COMMD1: variants seen among roughly 807,000 people sequenced by gnomAD.
The protein encoded by COMMD1 is COMM domain-containing protein 1.
Under a neutral mutation model 17.2 loss-of-function variants are expected in COMMD1, and 10 were observed. That is an observed-to-expected ratio of 0.58 (90% CI 0.36 to 0.99). The LOEUF (loss-of-function observed/expected upper bound fraction) is 0.99, where lower values mean the gene tolerates loss of function less well. Ranked by LOEUF, COMMD1 falls within the 50% of genes least tolerant of loss-of-function variation. The pLI is 0.01. For missense variants in COMMD1, 270 were observed against 231.8 expected (o/e 1.17, Z -1.07); for synonymous variants, 97 against 91.6 (o/e 1.06, Z -0.34).
intron 1 of COMMD1, among the ~76,000 whole-genome samples, chr2:61,958,211 G>A (rs1042216594): frequency 1.3e-5 from 2 of 150,704 alleles, no homozygotes; most frequent in South Asian, 2.1e-4. Flanking sequence ...CCCAGCATGC[G>A]TTGTTCCTTT....
At chr2:61,940,458 AC>A (rs199582006) in intron 1 of COMMD1, among the ~76,000 whole-genome samples, 1,587 of 151,990 alleles carry the variant, frequency 0.01, 25 homozygotes, top group African/African-American at 0.036. Flanking sequence ...GAACTTTTCT[AC>A]CCCCAGACCA....
intron 2 of COMMD1, among the ~76,000 whole-genome samples, chr2:62,071,011 A>G (rs906409905): frequency 5.9e-5 from 9 of 152,342 alleles, no homozygotes; most frequent in Non-Finnish European, 1.0e-4. Context: ...AGCCTGGATG[A>G]TAGAGCAAGA....
chr2:62,052,399 C>T lies in COMMD1; in HGVS notation c.462+51417C>T, dbSNP rs982006913. On this transcript the variant is annotated intron_variant, in intron 2 of 2. Transcript: ENST00000311832. ...TTTATTTCTCTTTTATGTAAAAGTC[C>T]GGAGATAGGCTCTGTCCCACGTATC... 1.5e-4 allele frequency among the ~76,000 whole-genome samples: 23 copies of T among 151,774 alleles called. 1 individual carries two copies. Among genetic ancestry groups the T allele is most frequent in the Admixed American group, 2.6e-4 (4 of 15,230 alleles).
intron 2 of COMMD1, among the ~76,000 whole-genome samples, chr2:62,004,437 G>A (rs1005259952): frequency 1.3e-5 from 2 of 152,000 alleles, no homozygotes; most frequent in African/African-American, 2.4e-5. Context: ...GAGTAGCTGG[G>A]ATTACAGGTG....
intron 2 of COMMD1, among the ~76,000 whole-genome samples, chr2:62,004,213 T>C (rs1364396597): frequency 6.6e-6 from 1 of 152,202 alleles, no homozygotes; most frequent in South Asian, 2.1e-4. Flanking sequence ...ACTTTATTAT[T>C]TACAGTTTAT....
At chr2:61,984,819 A>G (rs1163996440) in intron 1 of COMMD1, among the ~76,000 whole-genome samples, 3 of 151,890 alleles carry the variant, frequency 2.0e-5, no homozygotes, top group Non-Finnish European at 4.4e-5. Context: ...TTTGCTTTAT[A>G]TATCTGGGTG....
At chr2:62,106,376 T>G (rs1672325046) in intron 2 of COMMD1, among the ~76,000 whole-genome samples, 3 of 152,244 alleles carry the variant, frequency 2.0e-5, no homozygotes, top group Admixed American at 2.0e-4. Context: ...GGTAGCTTTA[T>G]TTTCTGCTCT....
At chr2:61,965,045 TA>T (rs953330754) in intron 1 of COMMD1, among the ~76,000 whole-genome samples, 11 of 151,324 alleles carry the variant, frequency 7.3e-5, no homozygotes, top group Non-Finnish European at 3.0e-5. Context: ...CAAAAAAAAT[TA>T]AAAAAAAAGA....
intron 2 of COMMD1, among the ~76,000 whole-genome samples, chr2:62,134,847 G>A (rs536301431): frequency 2.0e-5 from 3 of 152,266 alleles, no homozygotes; most frequent in South Asian, 2.1e-4. Context: ...TGAAGGGAAC[G>A]TATTTAAGGG....
intron 2 of COMMD1, among the ~76,000 whole-genome samples, chr2:62,045,730 ATTTT>A (rs71410917): frequency 7.1e-5 from 6 of 84,898 alleles, no homozygotes; most frequent in Non-Finnish European, 1.4e-4. Context: ...TTTCAAGTTA[ATTTT>A]TTTTTTTTTT....
chr2:62,051,342 C>A (rs1390272874), intron 2 of COMMD1, among the ~76,000 whole-genome samples: 2 of 152,104 alleles, frequency 1.3e-5, no homozygotes, highest in African/African-American at 4.8e-5. Context: ...GTTCTTTAAT[C>A]TCAACTCATA....
chr2:62,017,185 A>G (rs1558563896), intron 2 of COMMD1, among the ~76,000 whole-genome samples: 1 of 152,212 alleles, frequency 6.6e-6, no homozygotes, highest in African/African-American at 2.4e-5. Context: ...CAGAGGAAAT[A>G]TATCTGAATT....
chr2:62,004,205 TTTA>T (rs1299494831), intron 2 of COMMD1, among the ~76,000 whole-genome samples: 3 of 152,222 alleles, frequency 2.0e-5, no homozygotes, highest in Non-Finnish European at 4.4e-5. Flanking sequence ...AATTGTACAC[TTTA>T]TTATTTACAG....
chr2:61,972,462 C>G (rs2103727576), intron 1 of COMMD1, among the ~76,000 whole-genome samples: 1 of 152,278 alleles, frequency 6.6e-6, no homozygotes, highest in South Asian at 2.1e-4. Flanking sequence ...TGTGTAATGA[C>G]TTCCTTCTAA....
intron 2 of COMMD1, among the ~76,000 whole-genome samples, chr2:62,077,821 A>G (rs968801504): frequency 3.3e-5 from 5 of 152,144 alleles, no homozygotes; most frequent in African/African-American, 1.2e-4. Context: ...CTTCAAGGAA[A>G]TACATTTCAG....
upstream of COMMD1, chr2:61,888,466 C>T: frequency 1.2e-6 from 2 of 1,612,062 alleles, no homozygotes; most frequent in Non-Finnish European, 1.7e-6. Flanking sequence ...CGCCGGCAGC[C>T]CCGGCAGTCG....
chr2:62,000,674 T>C, intron 1 of COMMD1, 27 bp from the exon 2 acceptor site: 2 of 1,611,650 alleles, frequency 1.2e-6, no homozygotes, highest in South Asian at 1.1e-5. Flanking sequence ...TAATTCAAAT[T>C]TTTTGCTTTT....
At chr2:61,984,992 T>C (rs989944685) in intron 1 of COMMD1, among the ~76,000 whole-genome samples, 1 of 151,942 alleles carries the variant, frequency 6.6e-6, no homozygotes, top group Non-Finnish European at 1.5e-5. Context: ...TTGGTTTCTA[T>C]TTGCCTGGAA....
chr2:62,087,169 G>A (rs1558593247), intron 2 of COMMD1, among the ~76,000 whole-genome samples: 1 of 152,072 alleles, frequency 6.6e-6, no homozygotes, highest in Non-Finnish European at 1.5e-5. Context: ...AGCAAAATGT[G>A]TTTTTAAAGC....
Sources: allele counts gnomAD v4.1 joint callset (sites outside exome capture counted in the v4.1 genomes callset), GRCh38; gene constraint gnomAD v4.1.1; transcripts MANE v1.5; gene names NCBI Gene and HGNC (gene_info 2026-07-23, HGNC 2026-07-21).